The following GPATCH2 variants were observed in gnomAD, a reference collection of about 807,000 sequenced individuals.
The protein encoded by GPATCH2 is G-patch domain containing 2, also known as G patch domain-containing protein 2.
In GPATCH2, 51 loss-of-function variants were observed where a neutral mutation model predicts 58.0. The observed-to-expected ratio is 0.88, with a 90% CI of 0.70 to 1.11. The LOEUF is 1.11. GPATCH2 is among the 50% of genes most tolerant of loss of function. GPATCH2 has a pLI of 0.00. For missense variants in GPATCH2, 625 were observed against 652.2 expected (o/e 0.96, Z 0.45); for synonymous variants, 222 against 218.5 (o/e 1.02, Z -0.14).
chr1:217,437,828 C>T (rs1479191462), intron 9 of GPATCH2, among the ~76,000 whole-genome samples: 3 of 152,230 alleles, frequency 2.0e-5, no homozygotes, highest in Non-Finnish European at 4.4e-5. Flanking sequence ...TTAAACATTC[C>T]TGCTGGCTGG....
At chr1:217,454,513 C>T (rs1659836788) in intron 8 of GPATCH2, among the ~76,000 whole-genome samples, 1 of 133,966 alleles carries the variant, frequency 7.5e-6, no homozygotes, top group African/African-American at 2.8e-5. Context: ...GGCGTGAACC[C>T]GGAAGGCAGA....
chr1:217,499,476 T>C (rs367918158), intron 6 of GPATCH2, among the ~76,000 whole-genome samples: 7 of 152,308 alleles, frequency 4.6e-5, no homozygotes, highest in African/African-American at 1.4e-4. Flanking sequence ...TTGCATTCTC[T>C]AGCCTCTGTG....
intron 9 of GPATCH2, among the ~76,000 whole-genome samples, chr1:217,446,658 C>A (rs1336427722): frequency 6.6e-6 from 1 of 152,048 alleles, no homozygotes; most frequent in African/African-American, 2.4e-5. Flanking sequence ...CATTAAATTT[C>A]TATGAATTTT....
At chr1:217,611,452 TG>T (rs1282719905) in intron 3 of GPATCH2, among the ~76,000 whole-genome samples, 1 of 152,200 alleles carries the variant, frequency 6.6e-6, no homozygotes, top group Non-Finnish European at 1.5e-5. Context: ...CAAAATATTA[TG>T]TTTTAGAACC....
At chr1:217,610,221 T>A in intron 5 of GPATCH2, 100 bp downstream of exon 5, 2 of 1,559,078 alleles carry the variant, frequency 1.3e-6, no homozygotes, top group Non-Finnish European at 1.8e-6. Context: ...TTTTTAAGTT[T>A]AACATTAGAA....
chr1:217,581,269 G>A (rs1254515437), intron 5 of GPATCH2, among the ~76,000 whole-genome samples: 1 of 152,096 alleles, frequency 6.6e-6, no homozygotes, highest in Non-Finnish European at 1.5e-5. Flanking sequence ...AAAAACTATT[G>A]ATTTCAAAAC....
chr1:217,513,428 T>C (rs867941579), intron 6 of GPATCH2, among the ~76,000 whole-genome samples: 3 of 152,240 alleles, frequency 2.0e-5, no homozygotes, highest in African/African-American at 7.2e-5. Flanking sequence ...TTATATTTGT[T>C]AAGTAGTGAT....
chr1:217,450,179 C>G (rs1452850914), intron 8 of GPATCH2, among the ~76,000 whole-genome samples: 1 of 152,002 alleles, frequency 6.6e-6, no homozygotes, highest in East Asian at 1.9e-4. Flanking sequence ...GCATCATAAT[C>G]CTTGATGCAG....
At position 217,620,318 on chromosome 1, in the gene GPATCH2, G is replaced by A. The variant is rs1412590699; in HGVS notation, c.238C>T (p.His80Tyr). 4 of 1,614,078 alleles carry A rather than the reference G, an allele frequency of 2.5e-6. No individual in the cohort carries two copies. The highest frequency in any genetic ancestry group is 3.4e-6 in the Non-Finnish European group (4 of 1,180,018). ...AAGCAGTGACCAGTCTCCCACGGGT[G>A]ATGCACATTATACGACCTCCGTTTT... ...GRKRRSYNVHHPWETGHCLSE... is the reference protein window; with the variant it reads ...GRKRRSYNVHYPWETGHCLSE... Residue 80 changes from histidine to tyrosine, a missense_variant, in exon 2 of 10, where the codon CAC becomes TAC. His to Tyr is a moderately conservative substitution (Grantham distance 83). Coordinates refer to ENST00000366935, the MANE Select transcript of GPATCH2 (RefSeq NM_018040.5).
chr1:217,627,486 A>G (rs1669526537), intron 1 of GPATCH2, among the ~76,000 whole-genome samples: 1 of 152,104 alleles, frequency 6.6e-6, no homozygotes. Flanking sequence ...AATTAATGCT[A>G]TGTATCTGAC....
chr1:217,612,719 T>C (rs1668690974), intron 3 of GPATCH2, among the ~76,000 whole-genome samples: 1 of 152,150 alleles, frequency 6.6e-6, no homozygotes, highest in Admixed American at 6.5e-5. Context: ...TTTGATGTAA[T>C]ACACAACTTT....
rs1037387008 is a variant in GPATCH2 at position 217,590,500 on chromosome 1, C to T, written c.1098+19821G>A. Among the ~76,000 whole-genome samples the T allele has an allele frequency of 3.9e-5, 6 of 152,218 alleles. No individual in the cohort carries two copies. In the East Asian group the frequency reaches 9.7e-4, roughly 24 times the overall value. On this transcript the variant is annotated intron_variant, in intron 5 of 9. Coordinates refer to ENST00000366935, the MANE Select transcript of GPATCH2 (RefSeq NM_018040.5). The stretch of plus-strand genomic sequence containing the variant: ...GTACCTGCAACATGCAATGCTTTGT[C>T]GGAAAGAAATGATACATCTTTTCAG...
intron 8 of GPATCH2, among the ~76,000 whole-genome samples, chr1:217,471,588 A>G (rs1660723736): frequency 6.6e-6 from 1 of 152,328 alleles, no homozygotes; most frequent in East Asian, 1.9e-4. Context: ...AGTGATCTGT[A>G]TCATATAAAA....
At chr1:217,550,824 T>C (rs1463397024) in intron 5 of GPATCH2, among the ~76,000 whole-genome samples, 1 of 151,238 alleles carries the variant, frequency 6.6e-6, no homozygotes, top group African/African-American at 2.4e-5. Flanking sequence ...ATCTGTGATA[T>C]TATACTACAT....
chr1:217,539,903 T>C (rs1664652612), intron 5 of GPATCH2, among the ~76,000 whole-genome samples: 1 of 86,332 alleles, frequency 1.2e-5, no homozygotes, highest in African/African-American at 3.3e-5. Flanking sequence ...ATAAAAAAAC[T>C]TAATGATATA....
rs551892459 is a variant in GPATCH2 at position 217,500,822 on chromosome 1, A to T, written c.1167-2427T>A. On this transcript the variant is annotated intron_variant, in intron 6 of 9. Coordinates refer to ENST00000366935, the MANE Select transcript of GPATCH2 (RefSeq NM_018040.5). ...CTGAGCTGATCTGTTAGTTCTTCTTATTTTTTTCCTCCTAAAATTTGTCTT... is the reference window on the plus strand; with the variant it reads ...CTGAGCTGATCTGTTAGTTCTTCTTTTTTTTTTCCTCCTAAAATTTGTCTT... 2.0e-5 allele frequency among the ~76,000 whole-genome samples: 3 copies of T among 151,702 alleles called. No homozygotes were observed. The East Asian group carries it at 5.8e-4, about 29-fold the overall frequency.
At position 217,430,275 on chromosome 1, in the gene GPATCH2, C is replaced by T. The variant is rs969491183; in HGVS notation, c.*870G>A. On this transcript the variant is annotated 3_prime_UTR_variant, in exon 10 of 10. Transcript: ENST00000366935. The stretch of plus-strand genomic sequence containing the variant: ...GATTCAATATTGTAATAAATTACTC[C>T]AATGATTAAAATTTTAAATCCGTTT... 3 of 152,028 alleles carry T rather than the reference C, an allele frequency of 2.0e-5. No homozygotes were observed. Among genetic ancestry groups the T allele is most frequent in the African/African-American group, 7.2e-5 (3 of 41,398 alleles). The allele number at this position is 152,028 out of a possible 1,614,324, so 9.4% of individuals were successfully genotyped here.
At chr1:217,541,179 C>T (rs1160466475) in intron 5 of GPATCH2, among the ~76,000 whole-genome samples, 2 of 152,194 alleles carry the variant, frequency 1.3e-5, no homozygotes, top group African/African-American at 4.8e-5. Flanking sequence ...GATACAGCTT[C>T]TATCATCCTA....
chr1:217,574,711 C>T (rs1322594576), intron 5 of GPATCH2, among the ~76,000 whole-genome samples: 1 of 152,086 alleles, frequency 6.6e-6, no homozygotes, highest in Non-Finnish European at 1.5e-5. Flanking sequence ...TTACTATTCC[C>T]ACTTGCAAAA....
Sources: allele counts gnomAD v4.1 joint callset (sites outside exome capture counted in the v4.1 genomes callset), GRCh38; gene constraint gnomAD v4.1.1; transcripts MANE v1.5; gene names NCBI Gene and HGNC (gene_info 2026-07-23, HGNC 2026-07-21).